SPOCK3: variants seen among roughly 807,000 people sequenced by gnomAD.
SPOCK3 encodes the protein testican-3.
In SPOCK3, 30 loss-of-function variants were observed where a neutral mutation model predicts 56.6. The ratio of observed to expected loss-of-function variants is 0.53; its 90% CI spans 0.40 to 0.72. The LOEUF (loss-of-function observed/expected upper bound fraction) is 0.72. Ranked by LOEUF, SPOCK3 falls within the 30% of genes least tolerant of loss-of-function variation. The pLI, the probability that SPOCK3 is intolerant of heterozygous loss-of-function variation, is 0.00. For missense variants in SPOCK3, 527 were observed against 530.0 expected (o/e 0.99, Z 0.06); for synonymous variants, 196 against 183.3 (o/e 1.07, Z -0.56).
At chr4:166,973,509 G>T (rs1745612494) in intron 4 of SPOCK3, among the ~76,000 whole-genome samples, 1 of 152,014 alleles carries the variant, frequency 6.6e-6, no homozygotes. Flanking sequence ...GTTCATTACA[G>T]GTTATTGTCG....
At chr4:167,225,682 C>A (rs1396871865) in intron 2 of SPOCK3, among the ~76,000 whole-genome samples, 1 of 151,818 alleles carries the variant, frequency 6.6e-6, no homozygotes. Flanking sequence ...CTCCAAAAAA[C>A]AAAACCTGAT....
At chr4:166,910,508 A>G (rs1048193499) in intron 5 of SPOCK3, among the ~76,000 whole-genome samples, 6 of 152,160 alleles carry the variant, frequency 3.9e-5, no homozygotes, top group Admixed American at 3.9e-4. Flanking sequence ...ATCTACGTAT[A>G]ATACGTGCTT....
chr4:167,160,083 A>G (rs1338845624), intron 2 of SPOCK3, among the ~76,000 whole-genome samples: 1 of 152,152 alleles, frequency 6.6e-6, no homozygotes, highest in Non-Finnish European at 1.5e-5. Context: ...TTCAATTAGG[A>G]AAAGAGGAAG....
chr4:167,167,674 T>C (rs913587815), intron 2 of SPOCK3, among the ~76,000 whole-genome samples: 1 of 152,158 alleles, frequency 6.6e-6, no homozygotes, highest in Non-Finnish European at 1.5e-5. Flanking sequence ...TTGAGTCAAA[T>C]GTAGACAGGG....
intron 8 of SPOCK3, among the ~76,000 whole-genome samples, chr4:166,748,809 C>T (rs1265934390): frequency 7.3e-6 from 1 of 136,862 alleles, no homozygotes; most frequent in African/African-American, 3.1e-5. Flanking sequence ...CAAACAACCC[C>T]ATCAAAAAGT....
intron 6 of SPOCK3, among the ~76,000 whole-genome samples, chr4:166,880,315 C>A (rs1428036520): frequency 6.6e-6 from 1 of 152,146 alleles, no homozygotes; most frequent in East Asian, 1.9e-4. Context: ...TATTCCTCAG[C>A]TTCTGGTACA....
At chr4:167,195,820 G>C (rs1228208597) in intron 2 of SPOCK3, among the ~76,000 whole-genome samples, 1 of 152,124 alleles carries the variant, frequency 6.6e-6, no homozygotes, top group Non-Finnish European at 1.5e-5. Context: ...TCTCAAAATG[G>C]CTCTCAGAGA....
At chr4:166,950,389 T>C (rs918195430) in intron 4 of SPOCK3, among the ~76,000 whole-genome samples, 2 of 151,216 alleles carry the variant, frequency 1.3e-5, no homozygotes, top group African/African-American at 4.9e-5. Flanking sequence ...GAGCTAACTA[T>C]CCTAAATACA....
At chr4:167,102,922 GAAAAAAAA>G (rs55740507) in intron 2 of SPOCK3, among the ~76,000 whole-genome samples, 1 of 62,516 alleles carries the variant, frequency 1.6e-5, no homozygotes, top group African/African-American at 6.1e-5. Flanking sequence ...ATAGCTTGCA[GAAAAAAAA>G]AAAAAAAAAA....
chr4:166,809,670 C>T (rs896294012), intron 6 of SPOCK3, among the ~76,000 whole-genome samples: 1 of 151,980 alleles, frequency 6.6e-6, no homozygotes, highest in Non-Finnish European at 1.5e-5. Flanking sequence ...ATGACATTTA[C>T]TTTGCTATGT....
In SPOCK3 at chr4:166,734,893, A is replaced by C; in HGVS notation, c.*28T>G. The stretch of plus-strand genomic sequence containing the variant: ...TCATTTTTGTAAATATTAGAAATGT[A>C]GAATTTATTGATTTCAACTGTCATC... On this transcript the variant is annotated 3_prime_UTR_variant, in exon 11 of 11. Transcript: ENST00000357545. The C allele has an allele frequency of 6.8e-7, 1 of 1,465,196 alleles. No homozygotes were observed. The highest frequency in any genetic ancestry group is 9.3e-7 in the Non-Finnish European group (1 of 1,080,860). The allele number at this position is 1,465,196 out of a possible 1,614,324, so 90.8% of individuals were successfully genotyped here.
chr4:166,780,305 G>C (rs1276959918), intron 7 of SPOCK3, among the ~76,000 whole-genome samples: 1 of 152,052 alleles, frequency 6.6e-6, no homozygotes, highest in Non-Finnish European at 1.5e-5. Context: ...ATTGCTAAAG[G>C]CTGAGTGTAG....
At chr4:166,981,269 C>T (rs1012448640) in intron 4 of SPOCK3, among the ~76,000 whole-genome samples, 3 of 151,028 alleles carry the variant, frequency 2.0e-5, no homozygotes, top group East Asian at 2.0e-4. Flanking sequence ...TCCTGATGAG[C>T]GTAGCCCTCA....
intron 2 of SPOCK3, among the ~76,000 whole-genome samples, chr4:167,074,404 A>G (rs1442048019): frequency 2.0e-5 from 3 of 151,914 alleles, no homozygotes; most frequent in Non-Finnish European, 4.4e-5. Context: ...AGTCTTGACC[A>G]ATACTTCACG....
At chr4:167,120,807 A>AG (rs11452274) in intron 2 of SPOCK3, among the ~76,000 whole-genome samples, 152,132 of 152,136 alleles carry the variant, frequency 1, 76,064 homozygotes, top group Non-Finnish European at 1. Flanking sequence ...CATAAATAAA[A>AG]GATTCATTTT....
At chr4:167,229,136 A>G (rs1392512760) in intron 2 of SPOCK3, among the ~76,000 whole-genome samples, 1 of 152,218 alleles carries the variant, frequency 6.6e-6, no homozygotes, top group East Asian at 1.9e-4. Context: ...CATTTTCATA[A>G]GAATTGGATA....
chr4:167,144,075 C>T (rs1294186039), intron 2 of SPOCK3, among the ~76,000 whole-genome samples: 1 of 151,996 alleles, frequency 6.6e-6, no homozygotes, highest in Admixed American at 6.6e-5. Flanking sequence ...CTCTTCAGAA[C>T]ATTATTTGCT....
chr4:167,174,185 A>T (rs2150474325), intron 2 of SPOCK3, among the ~76,000 whole-genome samples: 1 of 152,232 alleles, frequency 6.6e-6, no homozygotes, highest in South Asian at 2.1e-4. Flanking sequence ...CAGCAGTCAT[A>T]AGATATTATA....
At chr4:166,890,615 T>C (rs1379489376) in intron 5 of SPOCK3, among the ~76,000 whole-genome samples, 1 of 152,026 alleles carries the variant, frequency 6.6e-6, no homozygotes, top group African/African-American at 2.4e-5. Context: ...TATTTTTCAT[T>C]TATTTCTAGA....
Sources: gnomAD v4.1 joint callset for allele counts (sites outside exome capture counted in the v4.1 genomes callset) on GRCh38, gnomAD v4.1.1 for gene constraint, MANE v1.5 for transcripts, NCBI Gene and HGNC (gene_info 2026-07-23, HGNC 2026-07-21) for gene names.